Variants in INSYN2A observed in about 807,000 individuals in gnomAD.
INSYN2A encodes inhibitory synaptic factor 2A.
Under a neutral mutation model 39.4 loss-of-function variants are expected in INSYN2A, and 17 were observed. The observed-to-expected ratio is 0.43, with a 90% CI of 0.30 to 0.65. The LOEUF (loss-of-function observed/expected upper bound fraction) is 0.65, where lower values mean the gene tolerates loss of function less well. INSYN2A is among the 30% of genes least tolerant of loss of function. INSYN2A has a pLI of 0.14. For missense variants in INSYN2A, 595 were observed against 631.2 expected, an observed-to-expected ratio of 0.94 and a Z score of 0.61; for synonymous variants, 255 against 265.7, an observed-to-expected ratio of 0.96 and a Z score of 0.39.
At chr10:127,138,152 C>A in intron 5 of INSYN2A, 132 bp from the exon 6 acceptor site, 1 of 763,308 alleles carries the variant, frequency 1.3e-6, no homozygotes, top group South Asian at 2.0e-5. Context: ...AATAGCAATT[C>A]GATATACTAT....
chr10:127,143,881 G>A (rs549183909), intron 5 of INSYN2A, among the ~76,000 whole-genome samples: 1 of 152,194 alleles, frequency 6.6e-6, no homozygotes, highest in South Asian at 2.1e-4. Flanking sequence ...CATATCTGAG[G>A]GGCACTGGAA....
In INSYN2A at chr10:127,136,247, T is replaced by C. The variant is rs1303500313; in HGVS notation, c.*1590A>G. ...CTAGGTCCTTGTAGAATCAAAACACTTAGAACTAAAACAGATTTGCTGTTG... is the reference window on the plus strand; with the variant it reads ...CTAGGTCCTTGTAGAATCAAAACACCTAGAACTAAAACAGATTTGCTGTTG... On this transcript the variant is annotated 3_prime_UTR_variant, in exon 6 of 6. Transcript: ENST00000522781. The C allele has an allele frequency of 1.3e-5, 2 of 152,128 alleles. No homozygotes were observed. The highest frequency in any genetic ancestry group is 3.9e-4 in the East Asian group (2 of 5,194). 9.4% of individuals were successfully genotyped at this position (152,128 alleles called of 1,614,324 possible). A position where few individuals can be genotyped will look rare whatever the true frequency, so the allele number is the denominator to read the frequency against.
chr10:127,176,025 T>C lies in INSYN2A; in HGVS notation c.371A>G (p.Lys124Arg), dbSNP rs1350543369. 3 of 1,614,062 alleles carry C rather than the reference T, an allele frequency of 1.9e-6. No homozygotes were observed. The highest frequency in any genetic ancestry group is 1.7e-6 in the Non-Finnish European group (2 of 1,180,042). The change falls in exon 4 of 6, where the codon AAG (lysine) becomes AGG (arginine). Residue 124 changes from lysine to arginine, a missense_variant. Lys to Arg is a conservative substitution (Grantham distance 26, BLOSUM62 2). Transcript: ENST00000522781. This position sits in a 1 kb window ranked among gnomAD's most constrained non-coding sequence, Gnocchi z 4.4. Reference protein sequence around the residue: ...CYQTFPLDRKKGNLKSLPAAD... With the variant: ...CYQTFPLDRKRGNLKSLPAAD... ...AGCTGGGAGGCTTTTGAGGTTCCCC[T>C]TTTTGCGGTCCAGAGGGAACGTCTG...
At chr10:127,185,922 T>G (rs540266402) in intron 2 of INSYN2A, among the ~76,000 whole-genome samples, 7 of 152,354 alleles carry the variant, frequency 4.6e-5, no homozygotes, top group African/African-American at 1.7e-4. Flanking sequence ...AAATGTGACT[T>G]GCTAGGAATT....
chr10:127,166,316 C>T (rs866647359), intron 4 of INSYN2A, among the ~76,000 whole-genome samples: 7 of 152,262 alleles, frequency 4.6e-5, no homozygotes, highest in African/African-American at 9.6e-5. Flanking sequence ...CCACCCACCT[C>T]GGCCTCCCAA....
intron 5 of INSYN2A, 100 bp from the exon 6 acceptor site, chr10:127,138,120 T>C: frequency 9.6e-7 from 1 of 1,041,160 alleles, no homozygotes; most frequent in Admixed American, 2.6e-5. Context: ...TGTGTGTTTG[T>C]AATGTAATTT....
chr10:127,147,188 A>C (rs991690642), intron 5 of INSYN2A, among the ~76,000 whole-genome samples: 6 of 152,090 alleles, frequency 3.9e-5, no homozygotes, highest in African/African-American at 1.4e-4. Flanking sequence ...GGAGCTTCCT[A>C]CTTGAGAAGC....
chr10:127,146,286 T>C (rs1206556668), intron 5 of INSYN2A, among the ~76,000 whole-genome samples: 3 of 152,232 alleles, frequency 2.0e-5, no homozygotes, highest in African/African-American at 4.8e-5. Flanking sequence ...AAATAATATG[T>C]TGAGATGGGT....
intron 4 of INSYN2A, among the ~76,000 whole-genome samples, chr10:127,155,918 G>A (rs2133561980): frequency 6.6e-6 from 1 of 152,292 alleles, no homozygotes; most frequent in African/African-American, 2.4e-5. Flanking sequence ...GGCTTGGGTG[G>A]CAGATGAGGT....
At position 127,137,809 on chromosome 10, in the gene INSYN2A, G is replaced by T; in HGVS notation, c.*28C>A. The T allele has an allele frequency of 6.3e-7, 1 of 1,591,592 alleles. No homozygotes were observed. Among genetic ancestry groups the T allele is most frequent in the South Asian group, 1.1e-5 (1 of 87,980 alleles). On this transcript the variant is annotated 3_prime_UTR_variant, in exon 6 of 6. Transcript: ENST00000522781. ...TTAAACTCCAGTGGGTTCTAAAGACGGCCTCGAGACTCCAGACACCGTGAG... is the reference window on the plus strand; with the variant it reads ...TTAAACTCCAGTGGGTTCTAAAGACTGCCTCGAGACTCCAGACACCGTGAG...
Position 127,175,311 on chromosome 10 carries a change from A to C in INSYN2A, c.1085T>G (p.Leu362Arg). The change falls in exon 4 of 6, where the codon CTT becomes CGT. Residue 362 changes from leucine (L) to arginine (R), a missense_variant. Around this residue, in one of 2 missense-constraint regions of INSYN2A, gnomAD observed 117 missense variants for 163.8 expected, o/e 0.71. Coordinates refer to ENST00000522781, the MANE Select transcript of INSYN2A (RefSeq NM_001039762.3). The surrounding 1 kb of genome is among the most constrained non-coding windows in gnomAD (Gnocchi z 6.3). ...HTEVVDLKAQ[L>R]QMMENLISSS... is the part of the protein sequence containing the mutation. ...ACTGATCAAGTTCTCCATCATCTGAAGTTGTGCTTTGAGGTCGACCACTTC... is the reference window on the plus strand; with the variant it reads ...ACTGATCAAGTTCTCCATCATCTGACGTTGTGCTTTGAGGTCGACCACTTC... The C allele has an allele frequency of 6.2e-7, 1 of 1,614,002 alleles. No individual in the cohort carries two copies. The highest frequency in any genetic ancestry group is 8.5e-7 in the Non-Finnish European group (1 of 1,180,006).
intron 5 of INSYN2A, among the ~76,000 whole-genome samples, chr10:127,143,826 G>A (rs934991538): frequency 6.6e-5 from 10 of 152,146 alleles, no homozygotes; most frequent in African/African-American, 2.4e-4. Context: ...AGAAGAACCA[G>A]GACCCCAAAT....
At chr10:127,188,349 G>C (rs1036367952) in intron 2 of INSYN2A, among the ~76,000 whole-genome samples, 1 of 152,202 alleles carries the variant, frequency 6.6e-6, no homozygotes, top group Non-Finnish European at 1.5e-5. Context: ...TCACTGAGCA[G>C]ACCCATAGTA....
intron 5 of INSYN2A, among the ~76,000 whole-genome samples, chr10:127,138,322 T>G (rs571579488): frequency 9.2e-5 from 14 of 152,288 alleles, no homozygotes; most frequent in Middle Eastern, 3.4e-3. Context: ...ATAACCCCAT[T>G]GTTTGTCCAC....
intron 5 of INSYN2A, among the ~76,000 whole-genome samples, chr10:127,149,316 C>A (rs946993142): frequency 6.6e-6 from 1 of 152,182 alleles, no homozygotes; most frequent in Non-Finnish European, 1.5e-5. Flanking sequence ...CAGGCTCTCA[C>A]GGGCTGATGT....
chr10:127,187,897 T>C (rs905009170), intron 2 of INSYN2A, among the ~76,000 whole-genome samples: 1 of 152,180 alleles, frequency 6.6e-6, no homozygotes, highest in African/African-American at 2.4e-5. Context: ...ATGCCTAATA[T>C]AATTTTAATA....
chr10:127,149,635 G>C (rs556438481), intron 5 of INSYN2A, among the ~76,000 whole-genome samples: 126 of 152,258 alleles, frequency 8.3e-4, no homozygotes, highest in Non-Finnish European at 1.7e-3. Context: ...GAAAAGTGGT[G>C]TTTAAATGCA....
chr10:127,141,478 G>A (rs752647129), intron 5 of INSYN2A, among the ~76,000 whole-genome samples: 8 of 152,066 alleles, frequency 5.3e-5, no homozygotes, highest in East Asian at 1.9e-4. Context: ...CGAGGTGGGC[G>A]GATCACTTGA....
rs923383155 is a variant in INSYN2A at position 127,176,686 on chromosome 10, A to T, written c.-6+191T>A. ...CCCCATTAGACAAACCTGTTTTACTACATTCATCAAGAAACCCAATGATGC... is the reference window on the plus strand; with the variant it reads ...CCCCATTAGACAAACCTGTTTTACTTCATTCATCAAGAAACCCAATGATGC... On this transcript the variant is annotated intron_variant, in intron 3 of 5. Coordinates refer to ENST00000522781, the MANE Select transcript of INSYN2A (RefSeq NM_001039762.3). The surrounding 1 kb of genome is among the most constrained non-coding windows in gnomAD (Gnocchi z 4.4). Among the ~76,000 whole-genome samples, 5 of 152,188 alleles carry T rather than the reference A, an allele frequency of 3.3e-5. No homozygotes were observed. The highest frequency in any genetic ancestry group is 7.4e-5 in the Non-Finnish European group (5 of 68,020).
Sources: allele counts gnomAD v4.1 joint callset (sites outside exome capture counted in the v4.1 genomes callset), GRCh38; gene constraint gnomAD v4.1.1; regional missense constraint gnomAD v4.1.1; non-coding constraint Gnocchi (gnomAD v3.1); transcripts MANE v1.5; gene names NCBI Gene and HGNC (gene_info 2026-07-23, HGNC 2026-07-21).